Variants in VAV1 observed in about 807,000 individuals in gnomAD.
VAV1 encodes the protein proto-oncogene vav.
A neutral mutation model predicts 128.1 loss-of-function variants in VAV1; 33 were observed. That is an observed-to-expected ratio of 0.26 (90% CI 0.20 to 0.34). VAV1 has a LOEUF of 0.34. Among genes scored for constraint, VAV1 ranks in the 10% least tolerant of loss-of-function variants. The probability of loss-of-function intolerance (pLI) is 1.00; values close to 1 mark genes in which losing one functional copy is unlikely to be tolerated. For missense variants in VAV1, 715 were observed against 1,093.7 expected, an observed-to-expected ratio of 0.65 and a Z score of 4.88; for synonymous variants, 394 against 409.8, an observed-to-expected ratio of 0.96 and a Z score of 0.47.
At chr19:6,814,692 CTT>C (rs1971597574) in intron 1 of VAV1, among the ~76,000 whole-genome samples, 2 of 122,768 alleles carry the variant, frequency 1.6e-5, no homozygotes, top group African/African-American at 7.0e-5. Context: ...TTCTTTCTTT[CTT>C]TCTTTCTTTC....
Position 6,772,855 on chromosome 19 carries a change from G to T in VAV1, c.48G>T (p.Val16=), listed in dbSNP as rs1970533509. The T allele has an allele frequency of 1.2e-6, 2 of 1,614,062 alleles. No homozygotes were observed. The highest frequency in any genetic ancestry group is 4.5e-5 in the East Asian group (2 of 44,878). The stretch of plus-strand genomic sequence containing the variant: ...CCCACTGGCTCATCCAGTGCCGGGT[G>T]CTGCCGCCCAGCCACCGCGTGACCT... The part of the protein sequence containing the change: ...QCTHWLIQCR[V]LPPSHRVTWD... The change falls in exon 1 of 27, where the codon GTG becomes GTT. Residue 16 remains valine, a synonymous_variant. Coordinates refer to ENST00000602142, the MANE Select transcript of VAV1 (RefSeq NM_005428.4). This position sits in a 1 kb window ranked among gnomAD's most constrained non-coding sequence, Gnocchi z 4.8.
chr19:6,774,834 A>G (rs997254844), intron 1 of VAV1, among the ~76,000 whole-genome samples: 1 of 149,562 alleles, frequency 6.7e-6, no homozygotes, highest in Non-Finnish European at 1.5e-5. Flanking sequence ...GGCTCACTGC[A>G]CCCTCCACTT....
At chr19:6,852,280 G>C (rs956729824) in intron 24 of VAV1, among the ~76,000 whole-genome samples, 3 of 152,152 alleles carry the variant, frequency 2.0e-5, no homozygotes, top group Non-Finnish European at 4.4e-5. Flanking sequence ...TTCCCAAGGT[G>C]CTGAGATTCC....
At chr19:6,801,295 A>G (rs1424044039) in intron 1 of VAV1, among the ~76,000 whole-genome samples, 1 of 152,136 alleles carries the variant, frequency 6.6e-6, no homozygotes, top group Non-Finnish European at 1.5e-5. Flanking sequence ...CGACGTACAG[A>G]TGAGTCAATT....
chr19:6,804,036 A>T (rs1431754268), intron 1 of VAV1, among the ~76,000 whole-genome samples: 2 of 152,092 alleles, frequency 1.3e-5, no homozygotes, highest in Non-Finnish European at 2.9e-5. Context: ...AAAACTGTAG[A>T]AGCAGTAAAA....
chr19:6,772,878 C>A lies in VAV1; in HGVS notation c.71C>A (p.Thr24Asn). 1.9e-6 allele frequency: 3 copies of A among 1,614,142 alleles called. No homozygotes were observed. In the East Asian group the frequency reaches 6.7e-5, roughly 36 times the overall value. ...GTGCTGCCGCCCAGCCACCGCGTGA[C>A]CTGGGATGGGGCTCAGGTGTGTGAA... ...CRVLPPSHRV[T>N]WDGAQVCELA... The change falls in exon 1 of 27, where the codon ACC becomes AAC. Residue 24 changes from threonine to asparagine, a missense_variant. Transcript: ENST00000602142. This position sits in a 1 kb window ranked among gnomAD's most constrained non-coding sequence, Gnocchi z 4.8.
At chr19:6,815,851 T>C (rs1406885195) in intron 1 of VAV1, among the ~76,000 whole-genome samples, 1 of 152,094 alleles carries the variant, frequency 6.6e-6, no homozygotes, top group African/African-American at 2.4e-5. Context: ...AAGCTCATGC[T>C]AGCTTCCACT....
At chr19:6,807,611 C>A (rs1169433133) in intron 1 of VAV1, among the ~76,000 whole-genome samples, 4 of 152,048 alleles carry the variant, frequency 2.6e-5, no homozygotes, top group Non-Finnish European at 4.4e-5. Flanking sequence ...ACTCTGGAGG[C>A]TGAGGTGGGA....
At chr19:6,834,400 C>T (rs983953837) in intron 19 of VAV1, among the ~76,000 whole-genome samples, 3 of 151,288 alleles carry the variant, frequency 2.0e-5, no homozygotes, top group Non-Finnish European at 4.4e-5. Context: ...CATGTCACCA[C>T]GCTCGGCTAA....
rs1297803882 is a variant in VAV1, at chr19:6,843,054, A to C, written c.1981-81A>C. The C allele has an allele frequency of 2.8e-6, 4 of 1,426,204 alleles. No homozygotes were observed. In the African/African-American group the frequency reaches 4.2e-5, roughly 15 times the overall value. 88.3% of individuals were successfully genotyped at this position (1,426,204 alleles called of 1,614,324 possible). On this transcript the variant is annotated intron_variant, in intron 21 of 26. Coordinates refer to ENST00000602142, the MANE Select transcript of VAV1 (RefSeq NM_005428.4). ...TAAATGCAAGTGGAATGAGTGAATG[A>C]ATGAATGAATGAAGTGCCCTGCCCT...
At chr19:6,833,120 C>G in intron 15 of VAV1, 64 bp from the exon 16 acceptor site, 1 of 1,389,564 alleles carries the variant, frequency 7.2e-7, no homozygotes, top group Non-Finnish European at 9.9e-7. Flanking sequence ...GAATAGTATT[C>G]AGCCATAAAA....
At chr19:6,830,112 G>A (rs915326620) in intron 14 of VAV1, among the ~76,000 whole-genome samples, 194 bp downstream of exon 14, 1 of 152,212 alleles carries the variant, frequency 6.6e-6, no homozygotes, top group African/African-American at 2.4e-5. Context: ...AGGCCGGAGT[G>A]CAGTGGCACA....
chr19:6,790,842 C>G (rs769122198), intron 1 of VAV1, among the ~76,000 whole-genome samples: 1 of 152,168 alleles, frequency 6.6e-6, no homozygotes, highest in Non-Finnish European at 1.5e-5. Context: ...GTTGTCAGGT[C>G]TTTGCCATGG....
At chr19:6,851,901 TC>T (rs1042630048) in intron 24 of VAV1, among the ~76,000 whole-genome samples, 4 of 152,236 alleles carry the variant, frequency 2.6e-5, no homozygotes, top group African/African-American at 9.6e-5. Flanking sequence ...ATCTTTTTTT[TC>T]CTCCATACTT....
intron 1 of VAV1, among the ~76,000 whole-genome samples, chr19:6,791,626 C>T (rs1195068768): frequency 6.6e-6 from 1 of 152,238 alleles, no homozygotes; most frequent in Admixed American, 6.5e-5. Context: ...GTTCACAGGT[C>T]ACCTTCACAG....
chr19:6,797,047 C>T (rs1033359403), intron 1 of VAV1, among the ~76,000 whole-genome samples: 3 of 151,782 alleles, frequency 2.0e-5, no homozygotes, highest in South Asian at 2.1e-4. Context: ...GCCCAGCCAA[C>T]GTGACAAAAC....
intron 1 of VAV1, among the ~76,000 whole-genome samples, chr19:6,802,070 C>A (rs2546134): frequency 0.91 from 138,519 of 151,956 alleles, 63,158 homozygotes; most frequent in East Asian, 0.95. Context: ...GACCATCATT[C>A]TCAGCAAACT....
intron 1 of VAV1, among the ~76,000 whole-genome samples, chr19:6,779,461 C>T (rs1157989203): frequency 1.3e-5 from 2 of 151,206 alleles, no homozygotes; most frequent in Non-Finnish European, 3.0e-5. Flanking sequence ...CTTTCCAAGT[C>T]AGTCTGTAGA....
At position 6,822,943 on chromosome 19, in the gene VAV1, G is replaced by A. The variant is rs996382114; in HGVS notation, c.654+429G>A. Among the ~76,000 whole-genome samples the A allele has an allele frequency of 4.8e-5, 7 of 145,514 alleles. No homozygotes were observed. Among genetic ancestry groups the A allele is most frequent in the African/African-American group, 1.8e-4 (7 of 39,994 alleles). On this transcript the variant is annotated intron_variant, in intron 6 of 26. Transcript: ENST00000602142. This position sits in a 1 kb window ranked among gnomAD's most constrained non-coding sequence, Gnocchi z 5.9. ...TATAAAATATATAGTTTTTCATATA[G>A]AGCTATATGTAAATAATATATACAA...
Sources: gnomAD v4.1 joint callset for allele counts (sites outside exome capture counted in the v4.1 genomes callset) on GRCh38, gnomAD v4.1.1 for gene constraint, Gnocchi (gnomAD v3.1) non-coding constraint, MANE v1.5 for transcripts, NCBI Gene and HGNC (gene_info 2026-07-23, HGNC 2026-07-21) for gene names.